The following CHM variants were observed in gnomAD, a reference collection of about 807,000 sequenced individuals.
CHM encodes rab proteins geranylgeranyltransferase component A 1.
Under a neutral mutation model 49.0 loss-of-function variants are expected in CHM, and 10 were observed. The ratio of observed to expected loss-of-function variants is 0.20; its 90% CI spans 0.13 to 0.35. CHM has a LOEUF of 0.35. CHM is among the 10% of genes least tolerant of loss of function. The pLI is 1.00. For synonymous variants in CHM, 184 were observed against 167.5 expected (o/e 1.10, Z -0.76); for missense variants, 455 against 478.4 (o/e 0.95, Z 0.46).
chrX:86,012,140 G>C (rs1044975080), intron 2 of CHM, among the ~76,000 whole-genome samples: 3 of 111,824 alleles, frequency 2.7e-5, no homozygotes, highest in Non-Finnish European at 3.8e-5. Context: ...CAGAAACATA[G>C]GGATCCTCCA....
At chrX:85,894,387 C>G (rs767897781) in intron 11 of CHM, 103 bp from the exon 12 acceptor site, 26 of 576,225 alleles carry the variant, frequency 4.5e-5, no homozygotes, top group Non-Finnish European at 7.5e-5. Flanking sequence ...CTTTTTCAAA[C>G]ATCATGTCTG....
intron 8 of CHM, among the ~76,000 whole-genome samples, chrX:85,941,637 A>C (rs1929116910): frequency 8.9e-6 from 1 of 111,802 alleles, no homozygotes; most frequent in African/African-American, 3.2e-5. Context: ...TTTTAGAAAT[A>C]AATTTTTTAG....
In CHM at chrX:85,970,956, A is replaced by G. The variant is rs1226313686; in HGVS notation, c.315-6904T>C. On this transcript the variant is annotated intron_variant, in intron 4 of 14. Coordinates refer to ENST00000357749, the MANE Select transcript of CHM (RefSeq NM_000390.4). Reference sequence around the variant, plus strand: ...ATTTTAGTCTTTAGCCTGTTTTGCAATACCCAACGTATTAAATTTAATGTT... The same window carrying G: ...ATTTTAGTCTTTAGCCTGTTTTGCAGTACCCAACGTATTAAATTTAATGTT... 9.9e-6 allele frequency: 7 copies of G among 706,509 alleles called. No homozygotes were observed. In the African/African-American group the frequency reaches 1.4e-4, roughly 14 times the overall value. The allele number at this position is 706,509 out of a possible 1,213,427, so 58.2% of individuals were successfully genotyped here.
At chrX:86,019,147 C>T (rs1228914359) in intron 2 of CHM, among the ~76,000 whole-genome samples, 1 of 111,376 alleles carries the variant, frequency 9.0e-6, no homozygotes, top group African/African-American at 3.3e-5. Context: ...GTGTCATTTG[C>T]ATGTTCTGTC....
intron 11 of CHM, among the ~76,000 whole-genome samples, chrX:85,899,938 G>C (rs1464674609): frequency 9.1e-6 from 1 of 110,450 alleles, no homozygotes; most frequent in African/African-American, 3.3e-5. Flanking sequence ...ACAGAAAAAA[G>C]CAGACCCTTT....
rs1249502581 is a variant in CHM at position 85,862,412 on chromosome X, C to T, written c.*2218G>A. 8.9e-6 allele frequency: 1 copy of T among 112,532 alleles called. No individual in the cohort carries two copies. Among genetic ancestry groups the T allele is most frequent in the East Asian group, 2.8e-4 (1 of 3,577 alleles). The allele number at this position is 112,532 out of a possible 1,213,427, so 9.3% of individuals were successfully genotyped here. ...ACTCAATCGTCTCATCTACTGGAAC[C>T]TTTTATAATATATTGCTGATATCCA... On this transcript the variant is annotated 3_prime_UTR_variant, in exon 15 of 15. Coordinates refer to ENST00000357749, the MANE Select transcript of CHM (RefSeq NM_000390.4).
At chrX:86,031,018 G>T (rs1368540199) in intron 1 of CHM, among the ~76,000 whole-genome samples, 1 of 110,589 alleles carries the variant, frequency 9.0e-6, no homozygotes, top group African/African-American at 3.3e-5. Context: ...CATTTAGGTT[G>T]TTTTCACATG....
At chrX:85,992,561 T>C (rs1175734072) in intron 2 of CHM, among the ~76,000 whole-genome samples, 1 of 111,175 alleles carries the variant, frequency 9.0e-6, no homozygotes, top group Non-Finnish European at 1.9e-5. Flanking sequence ...CCTACACAAA[T>C]TCTCATTTAC....
At chrX:85,990,408 A>C (rs752093717) in intron 2 of CHM, among the ~76,000 whole-genome samples, 1 of 111,699 alleles carries the variant, frequency 9.0e-6, no homozygotes, top group African/African-American at 3.2e-5. Context: ...GGTTGCTGAG[A>C]TAATGAGTAC....
chrX:85,903,650 T>C, intron 9 of CHM: 1 of 386,047 alleles, frequency 2.6e-6, no homozygotes, highest in South Asian at 2.3e-5. Context: ...CAAATCAGAA[T>C]CACACCTGGG....
At chrX:85,950,929 G>C (rs1929713921) in intron 8 of CHM, among the ~76,000 whole-genome samples, 1 of 111,812 alleles carries the variant, frequency 8.9e-6, no homozygotes, top group African/African-American at 3.2e-5. Context: ...AAAGTAGGCT[G>C]ACACTGAACT....
At chrX:85,991,210 C>T (rs899992697) in intron 2 of CHM, among the ~76,000 whole-genome samples, 1 of 111,735 alleles carries the variant, frequency 8.9e-6, no homozygotes, top group Admixed American at 9.5e-5. Context: ...CAACTATTCT[C>T]TCATAGATTC....
chrX:86,041,757 T>C lies in CHM; in HGVS notation c.49+5727A>G, dbSNP rs953625424. 3.5e-3 allele frequency among the ~76,000 whole-genome samples: 333 copies of C among 93,934 alleles called. 2 individuals are homozygous for C. Among genetic ancestry groups the C allele is most frequent in the Middle Eastern group, 0.016 (3 of 191 alleles). The allele number at this position is 93,934 out of a possible 115,157, so 81.6% of individuals were successfully genotyped here. A position where few individuals can be genotyped will look rare whatever the true frequency, so the allele number is the denominator to read the frequency against. ...ATATATATATATATATATATATATA[T>C]ACATATATATATAAAAAACAACATT... On this transcript the variant is annotated intron_variant, in intron 1 of 14. Transcript: ENST00000357749.
At chrX:85,902,015 C>T (rs1402199922) in intron 9 of CHM, among the ~76,000 whole-genome samples, 1 of 111,708 alleles carries the variant, frequency 9.0e-6, no homozygotes, top group East Asian at 2.8e-4. Context: ...AGGGCAACAT[C>T]CTTGAAATGG....
At position 85,994,016 on chromosome X, in the gene CHM, T is replaced by C. The variant is rs761782055; in HGVS notation, c.117-12207A>G. ...TCCTGTGACTAGACTGAGAGCAACT[T>C]AAGGGCAAGGACAGTAGCTTAGTCA... On this transcript the variant is annotated intron_variant, in intron 2 of 14. Transcript: ENST00000357749. Among the ~76,000 whole-genome samples the C allele has an allele frequency of 9.0e-5, 10 of 111,695 alleles. No individual in the cohort carries two copies. The East Asian group carries it at 1.1e-3, about 13-fold the overall frequency.
chrX:85,935,612 G>A (rs1928737697), intron 8 of CHM, among the ~76,000 whole-genome samples: 1 of 112,017 alleles, frequency 8.9e-6, no homozygotes, highest in Admixed American at 9.5e-5. Flanking sequence ...TGGTATTTGT[G>A]TATCTGAACA....
Position 85,964,016 on chromosome X carries a change from T to C in CHM, c.351A>G (p.Ala117=), listed in dbSNP as rs10217950. The C allele has an allele frequency of 0.23, 272,805 of 1,205,819 alleles. 22,704 individuals carry two copies. The highest frequency in any genetic ancestry group is 0.26 in the Non-Finnish European group (228,700 of 893,396). Residue 117 remains alanine, a synonymous_variant, in exon 5 of 15, where the codon GCA becomes GCG. Transcript: ENST00000357749. ...DLHEDVEEAG[A]LQKNHALVTS... ...TCACAAGAGCATGATTTTTCTGCAGTGCACCAGCTTCTTCGACATCTTCAT... is the reference window on the plus strand; with the variant it reads ...TCACAAGAGCATGATTTTTCTGCAGCGCACCAGCTTCTTCGACATCTTCAT...
chrX:85,921,923 C>T (rs1269524354), intron 8 of CHM, among the ~76,000 whole-genome samples: 1 of 111,713 alleles, frequency 9.0e-6, no homozygotes, highest in South Asian at 3.8e-4. Flanking sequence ...TTTTTATATA[C>T]ACACACACAC....
At chrX:85,911,218 T>TGA in intron 9 of CHM, 43 bp downstream of exon 9, 1 of 90,166 alleles carries the variant, frequency 1.1e-5, no homozygotes, top group South Asian at 3.5e-4. Context: ...TATATATGAA[T>TGA]ATATATATAT....
Sources: allele counts gnomAD v4.1 joint callset (sites outside exome capture counted in the v4.1 genomes callset), GRCh38; gene constraint gnomAD v4.1.1; transcripts MANE v1.5; gene names NCBI Gene and HGNC (gene_info 2026-07-23, HGNC 2026-07-21).